Variants in AUH observed in about 807,000 individuals in gnomAD.
The protein encoded by AUH is methylglutaconyl-CoA hydratase, mitochondrial.
AUH carries 29 observed loss-of-function variants against 42.3 expected under a neutral mutation model. The observed-to-expected ratio is 0.69, with a 90% CI of 0.51 to 0.93. The LOEUF is 0.93. Ranked by LOEUF, AUH falls within the 40% of genes least tolerant of loss-of-function variation. AUH has a pLI of 0.00. For missense variants in AUH, 452 were observed against 438.1 expected (o/e 1.03, Z -0.28); for synonymous variants, 174 against 166.4 (o/e 1.05, Z -0.35).
At chr9:91,340,922 G>C (rs1831057780) in intron 3 of AUH, among the ~76,000 whole-genome samples, 1 of 152,094 alleles carries the variant, frequency 6.6e-6, no homozygotes, top group Admixed American at 6.5e-5. Flanking sequence ...TTGTTAAGAG[G>C]CACACAAAGC....
At chr9:91,290,549 T>C (rs1290956769) in intron 6 of AUH, among the ~76,000 whole-genome samples, 1 of 152,188 alleles carries the variant, frequency 6.6e-6, no homozygotes, top group Non-Finnish European at 1.5e-5. Flanking sequence ...TCAGAATATG[T>C]AGTCCAAATT....
intron 6 of AUH, among the ~76,000 whole-genome samples, chr9:91,240,065 A>G (rs1587670865): frequency 6.6e-6 from 1 of 152,354 alleles, no homozygotes; most frequent in South Asian, 2.1e-4. Context: ...CCAAGTCTTA[A>G]TCATTAAAAA....
intron 3 of AUH, among the ~76,000 whole-genome samples, chr9:91,335,545 T>C (rs907435464): frequency 6.6e-6 from 1 of 152,220 alleles, no homozygotes; most frequent in Non-Finnish European, 1.5e-5. Flanking sequence ...ATGTCATTAG[T>C]TTATGCTCAC....
intron 6 of AUH, among the ~76,000 whole-genome samples, chr9:91,290,124 G>C (rs975998519): frequency 6.6e-6 from 1 of 152,168 alleles, no homozygotes; most frequent in African/African-American, 2.4e-5. Context: ...AACTCACTTA[G>C]GACAAAAGAG....
At chr9:91,255,412 T>C (rs1829358589) in intron 6 of AUH, among the ~76,000 whole-genome samples, 2 of 152,236 alleles carry the variant, frequency 1.3e-5, no homozygotes, top group Admixed American at 6.5e-5. Flanking sequence ...AAGTATTTCA[T>C]CTAGTTCTAC....
intron 3 of AUH, chr9:91,343,380 C>T (rs1425819922): frequency 6.6e-6 from 1 of 152,042 alleles, no homozygotes; most frequent in Non-Finnish European, 1.5e-5. Flanking sequence ...TAAAGGAAAC[C>T]AAAAGCCACT....
chr9:91,234,178 T>C (rs1828046672), intron 6 of AUH, among the ~76,000 whole-genome samples: 1 of 152,162 alleles, frequency 6.6e-6, no homozygotes, highest in Non-Finnish European at 1.5e-5. Context: ...GTATCAGCCT[T>C]GGACAGTAGA....
rs116477044 is a variant in AUH at position 91,327,447 on chromosome 9, G to A, written c.419-2043C>T. Among the ~76,000 whole-genome samples, 460 of 152,142 alleles carry A rather than the reference G, an allele frequency of 3.0e-3. 4 individuals are homozygous for A. Among genetic ancestry groups the A allele is most frequent in the African/African-American group, 0.011 (439 of 41,500 alleles). On this transcript the variant is annotated intron_variant, in intron 3 of 9. Coordinates refer to ENST00000375731, the MANE Select transcript of AUH (RefSeq NM_001698.3). Reference sequence around the variant, plus strand: ...CAGTGATTTTTCCAAGCCCACCCAGGGATGAATCAGCACACACACCTCCAT... The same window carrying A: ...CAGTGATTTTTCCAAGCCCACCCAGAGATGAATCAGCACACACACCTCCAT...
chr9:91,279,643 C>T (rs1198782800), intron 6 of AUH, among the ~76,000 whole-genome samples: 1 of 152,152 alleles, frequency 6.6e-6, no homozygotes, highest in Non-Finnish European at 1.5e-5. Flanking sequence ...CCTGTGAACT[C>T]GCTCATCACC....
chr9:91,282,956 A>G (rs1490198209), intron 6 of AUH, among the ~76,000 whole-genome samples: 1 of 152,182 alleles, frequency 6.6e-6, no homozygotes, highest in Non-Finnish European at 1.5e-5. Context: ...TCCCTAACTC[A>G]TTTTATGAGG....
At chr9:91,321,575 C>T (rs1829575419) in intron 4 of AUH, among the ~76,000 whole-genome samples, 1 of 152,036 alleles carries the variant, frequency 6.6e-6, no homozygotes, top group South Asian at 2.1e-4. Flanking sequence ...CAAATTAGAA[C>T]TGAAGTGAGA....
intron 6 of AUH, among the ~76,000 whole-genome samples, chr9:91,290,250 T>C (rs1220044537): frequency 6.6e-6 from 1 of 152,046 alleles, no homozygotes; most frequent in East Asian, 1.9e-4. Context: ...ACCCTGCCTC[T>C]ACAAAAAGAG....
At chr9:91,357,422 G>C in intron 1 of AUH, 14 of 849,446 alleles carry the variant, frequency 1.6e-5, no homozygotes, top group Non-Finnish European at 2.0e-5. Flanking sequence ...AGTTTCCTCA[G>C]GAAGAAAATC....
chr9:91,278,681 T>C (rs1825735464), intron 6 of AUH, among the ~76,000 whole-genome samples: 1 of 152,222 alleles, frequency 6.6e-6, no homozygotes, highest in Non-Finnish European at 1.5e-5. Flanking sequence ...AGTGCATTTA[T>C]TAATTTAATG....
At position 91,318,742 on chromosome 9, in the gene AUH, G is replaced by A. The variant is rs375242756; in HGVS notation, c.505+6576C>T. On this transcript the variant is annotated intron_variant, in intron 4 of 9. Coordinates refer to ENST00000375731, the MANE Select transcript of AUH (RefSeq NM_001698.3). ...CAATAATTCAGGATAAGCCATAGGA[G>A]CAAGTCATGCCATTGGGCACCTCCC... 4.9e-4 allele frequency among the ~76,000 whole-genome samples: 75 copies of A among 152,334 alleles called. 1 individual carries two copies. In the South Asian group the frequency reaches 0.015, roughly 31 times the overall value.
intron 6 of AUH, among the ~76,000 whole-genome samples, chr9:91,233,548 AG>A (rs1828009820): frequency 6.6e-6 from 1 of 152,198 alleles, no homozygotes. Flanking sequence ...AATAAAAAAC[AG>A]GGAGAGGGCC....
chr9:91,336,578 C>T (rs143790436), intron 3 of AUH, among the ~76,000 whole-genome samples: 2 of 150,126 alleles, frequency 1.3e-5, no homozygotes, highest in East Asian at 2.0e-4. Flanking sequence ...TGCAGTGAGC[C>T]GTGATTGCAC....
At chr9:91,346,161 G>C (rs996019758) in intron 3 of AUH, among the ~76,000 whole-genome samples, 1 of 152,010 alleles carries the variant, frequency 6.6e-6, no homozygotes, top group South Asian at 2.1e-4. Flanking sequence ...GACTCTTAGA[G>C]GGCCCCTAGA....
At chr9:91,286,136 T>G (rs1826386852) in intron 6 of AUH, among the ~76,000 whole-genome samples, 1 of 152,180 alleles carries the variant, frequency 6.6e-6, no homozygotes, top group South Asian at 2.1e-4. Flanking sequence ...TTTAAAAGAA[T>G]AAGCTCAGAT....
Sources: allele counts gnomAD v4.1 joint callset (sites outside exome capture counted in the v4.1 genomes callset), GRCh38; gene constraint gnomAD v4.1.1; transcripts MANE v1.5; gene names NCBI Gene and HGNC (gene_info 2026-07-23, HGNC 2026-07-21).